BMPR1B: variants seen among roughly 807,000 people sequenced by gnomAD.
BMPR1B encodes the protein bone morphogenetic protein receptor type 1B, also known as bone morphogenetic protein receptor type-1B.
In BMPR1B, 12 loss-of-function variants were observed where a neutral mutation model predicts 59.1. That is an observed-to-expected ratio of 0.20 (90% CI 0.13 to 0.33). The LOEUF is 0.33. Ranked by LOEUF, BMPR1B falls within the 10% of genes least tolerant of loss-of-function variation. The pLI, the probability that BMPR1B is intolerant of heterozygous loss-of-function variation, is 1.00. For missense variants in BMPR1B, 550 were observed against 610.9 expected, an observed-to-expected ratio of 0.90 and a Z score of 1.05; for synonymous variants, 237 against 207.3, an observed-to-expected ratio of 1.14 and a Z score of -1.23.
chr4:95,003,039 T>C (rs946190913), intron 3 of BMPR1B, among the ~76,000 whole-genome samples: 1 of 152,064 alleles, frequency 6.6e-6, no homozygotes, highest in African/African-American at 2.4e-5. Flanking sequence ...TATCTATTAG[T>C]TGCAACTGCT....
At chr4:95,028,531 G>A (rs1327697247) in intron 3 of BMPR1B, among the ~76,000 whole-genome samples, 2 of 152,040 alleles carry the variant, frequency 1.3e-5, no homozygotes, top group Non-Finnish European at 2.9e-5. Flanking sequence ...ACTCTAAATG[G>A]CAGGAGAAAC....
At chr4:95,085,912 G>T (rs1276908850) in intron 3 of BMPR1B, among the ~76,000 whole-genome samples, 4 of 152,050 alleles carry the variant, frequency 2.6e-5, no homozygotes, top group Non-Finnish European at 5.9e-5. Context: ...AGGAACATTT[G>T]GCAAGAAGAG....
intron 2 of BMPR1B, among the ~76,000 whole-genome samples, chr4:94,949,168 C>G (rs1729832629): frequency 6.6e-6 from 1 of 152,120 alleles, no homozygotes; most frequent in Non-Finnish European, 1.5e-5. Flanking sequence ...GTTCCCCTCC[C>G]TGTGCCCATA....
chr4:94,820,714 T>C (rs918243432), intron 1 of BMPR1B, among the ~76,000 whole-genome samples: 1 of 152,172 alleles, frequency 6.6e-6, no homozygotes, highest in African/African-American at 2.4e-5. Flanking sequence ...AGTGTAGATA[T>C]ATTTTCAGTT....
In BMPR1B at chr4:94,921,752, A is replaced by C. The variant is rs529571531; in HGVS notation, c.-113+45852A>C. 3.3e-4 allele frequency among the ~76,000 whole-genome samples: 51 copies of C among 152,286 alleles called. No homozygotes were observed. In the South Asian group the frequency reaches 0.011, roughly 32 times the overall value. On this transcript the variant is annotated intron_variant, in intron 2 of 12. Transcript: ENST00000515059. ...GGGCACAGATCCAATTATATCAATA[A>C]ATACAACCTATTTCACTGCAGGATT...
At chr4:94,918,869 C>T (rs13126112) in intron 2 of BMPR1B, among the ~76,000 whole-genome samples, 27,878 of 151,940 alleles carry the variant, frequency 0.18, 2,770 homozygotes, top group African/African-American at 0.22. Context: ...CTTACTTCTC[C>T]TGTGTCAGTG....
intron 1 of BMPR1B, among the ~76,000 whole-genome samples, chr4:94,792,099 T>A (rs919018030): frequency 9.2e-5 from 14 of 152,196 alleles, no homozygotes; most frequent in African/African-American, 2.7e-4. Flanking sequence ...TTAAGAGAAA[T>A]TTTTCAGATA....
intron 1 of BMPR1B, among the ~76,000 whole-genome samples, chr4:94,812,298 T>C (rs1723848294): frequency 6.6e-6 from 1 of 152,164 alleles, no homozygotes; most frequent in Non-Finnish European, 1.5e-5. Flanking sequence ...AAATATAACA[T>C]ATCCACTTGG....
intron 3 of BMPR1B, among the ~76,000 whole-genome samples, chr4:95,019,142 A>T (rs955266759): frequency 6.6e-6 from 1 of 152,192 alleles, no homozygotes; most frequent in Non-Finnish European, 1.5e-5. Flanking sequence ...ATTCACATGA[A>T]TGGAAGTCGC....
chr4:94,765,263 C>A (rs577418179), intron 1 of BMPR1B, among the ~76,000 whole-genome samples: 3 of 152,184 alleles, frequency 2.0e-5, no homozygotes, highest in Admixed American at 6.5e-5. Context: ...TAAGAATTTT[C>A]TTATGCATTA....
chr4:95,047,556 T>G (rs1352278615), intron 3 of BMPR1B, among the ~76,000 whole-genome samples: 2 of 152,216 alleles, frequency 1.3e-5, no homozygotes, highest in Admixed American at 6.5e-5. Context: ...CTCAATCACC[T>G]GCCCAAGGGA....
At chr4:94,957,398 A>G (rs1730186803) in intron 2 of BMPR1B, among the ~76,000 whole-genome samples, 1 of 128,984 alleles carries the variant, frequency 7.8e-6, no homozygotes, top group Non-Finnish European at 1.6e-5. Flanking sequence ...GTATATAAGA[A>G]TTTTTTGTGG....
Position 95,157,088 on chromosome 4 carries a change from A to G in BMPR1B, c.*2415A>G, listed in dbSNP as rs1287287988. On this transcript the variant is annotated 3_prime_UTR_variant, in exon 13 of 13. Transcript: ENST00000515059. The stretch of plus-strand genomic sequence containing the variant: ...TGATTTGAAATTAAGCTAGATTTCT[A>G]GGGAGGTGTTGGTTCCAATGAAGGA... 1 of 152,164 alleles carries G rather than the reference A, an allele frequency of 6.6e-6. No individual in the cohort carries two copies. Among genetic ancestry groups the G allele is most frequent in the African/African-American group, 2.4e-5 (1 of 41,450 alleles). 9.4% of individuals were successfully genotyped at this position (152,164 alleles called of 1,614,324 possible). A position where few individuals can be genotyped will look rare whatever the true frequency, so the allele number is the denominator to read the frequency against.
At chr4:94,986,847 C>T (rs1721436767) in intron 2 of BMPR1B, among the ~76,000 whole-genome samples, 1 of 151,870 alleles carries the variant, frequency 6.6e-6, no homozygotes, top group Admixed American at 6.6e-5. Flanking sequence ...GGAGACCATC[C>T]TGGCTAACAC....
At position 95,006,364 on chromosome 4, in the gene BMPR1B, G is replaced by A. The variant is rs556163186; in HGVS notation, c.-18+10230G>A. ...ACGAGACCAGCCTGGGCAACAGGGC[G>A]AGACTCCATCTCAAAAAAAAAAAAA... On this transcript the variant is annotated intron_variant, in intron 3 of 12. Transcript: ENST00000515059. 4.4e-4 allele frequency among the ~76,000 whole-genome samples: 59 copies of A among 134,338 alleles called. 1 individual carries two copies. Among genetic ancestry groups the A allele is most frequent in the Non-Finnish European group, 7.8e-4 (49 of 62,996 alleles). The allele number at this position is 134,338 out of a possible 152,430, so 88.1% of individuals were successfully genotyped here. A position where few individuals can be genotyped will look rare whatever the true frequency, so the allele number is the denominator to read the frequency against.
At chr4:94,979,531 T>C (rs985416135) in intron 2 of BMPR1B, among the ~76,000 whole-genome samples, 1 of 152,186 alleles carries the variant, frequency 6.6e-6, no homozygotes, top group Admixed American at 6.5e-5. Flanking sequence ...TAAGTGGCAA[T>C]AGTTTTAACT....
intron 2 of BMPR1B, among the ~76,000 whole-genome samples, chr4:94,967,983 G>C (rs1730618970): frequency 6.6e-6 from 1 of 152,132 alleles, no homozygotes; most frequent in South Asian, 2.1e-4. Flanking sequence ...CTCACTTTGA[G>C]GTTATCTTCT....
intron 1 of BMPR1B, among the ~76,000 whole-genome samples, chr4:94,783,140 T>C (rs1722643822): frequency 6.6e-6 from 1 of 152,208 alleles, no homozygotes; most frequent in Non-Finnish European, 1.5e-5. Flanking sequence ...CCTCTGTTGT[T>C]ATCACGCCAG....
At position 94,761,415 on chromosome 4, in the gene BMPR1B, CTGTGTGTGTGTGTG is replaced by C. The variant is rs57447983; in HGVS notation, c.-183+3381_-183+3394del. On this transcript the variant is annotated intron_variant, in intron 1 of 12. Coordinates refer to ENST00000515059, the MANE Select transcript of BMPR1B (RefSeq NM_001203.3). ...GACTTACATTTTCCGCTGTATAATT[CTGTGTGTGTGTGTG>C]TGTGTGTGTGTGTGTGTGTGTGTGT... Among the ~76,000 whole-genome samples, 219 of 141,272 alleles carry C rather than the reference CTGTGTGTGTGTGTG, an allele frequency of 1.6e-3. 1 individual carries two copies. The highest frequency in any genetic ancestry group is 2.6e-3 in the Non-Finnish European group (169 of 65,140). The allele number at this position is 141,272 out of a possible 152,430, so 92.7% of individuals were successfully genotyped here.
Sources: gnomAD v4.1 joint callset for allele counts (sites outside exome capture counted in the v4.1 genomes callset) on GRCh38, gnomAD v4.1.1 for gene constraint, MANE v1.5 for transcripts, NCBI Gene and HGNC (gene_info 2026-07-23, HGNC 2026-07-21) for gene names.